COL21A1: variants seen among roughly 807,000 people sequenced by gnomAD.
The protein encoded by COL21A1 is collagen type XXI alpha 1 chain, also known as collagen alpha-1(XXI) chain.
COL21A1 carries 149 observed loss-of-function variants against 137.9 expected under a neutral mutation model. The observed-to-expected ratio is 1.08, with a 90% CI of 0.95 to 1.24. The LOEUF is 1.24. Ranked by LOEUF, COL21A1 falls within the 50% of genes most tolerant of loss-of-function variation. COL21A1 has a pLI of 0.00. For missense variants in COL21A1, 1,167 were observed against 1,158.4 expected (o/e 1.01, Z -0.11); for synonymous variants, 456 against 391.5 (o/e 1.16, Z -1.95).
chr6:56,178,003 TAA>T (rs955565251), intron 3 of COL21A1, among the ~76,000 whole-genome samples: 13 of 152,140 alleles, frequency 8.5e-5, no homozygotes, highest in African/African-American at 3.1e-4. Flanking sequence ...ACATTTTAAC[TAA>T]AAGAGTGTTT....
At chr6:56,200,144 A>G (rs1157236754) in intron 1 of COL21A1, among the ~76,000 whole-genome samples, 1 of 152,168 alleles carries the variant, frequency 6.6e-6, no homozygotes, top group Non-Finnish European at 1.5e-5. Context: ...TCCCAGGAAC[A>G]GAAAGGTCAG....
chr6:56,112,252 AT>A (rs1771497710), intron 16 of COL21A1, among the ~76,000 whole-genome samples: 1 of 152,164 alleles, frequency 6.6e-6, no homozygotes, highest in African/African-American at 2.4e-5. Flanking sequence ...ATGAGACCTG[AT>A]TTTTATCTCA....
intron 1 of COL21A1, among the ~76,000 whole-genome samples, chr6:56,360,954 G>A (rs6459156): frequency 0.13 from 19,086 of 152,110 alleles, 1,563 homozygotes; most frequent in African/African-American, 0.23. Flanking sequence ...ACGAAAATAA[G>A]CCAGGTTGTG....
intron 9 of COL21A1, among the ~76,000 whole-genome samples, chr6:56,158,208 A>G (rs150701437): frequency 1.3e-5 from 2 of 148,844 alleles, no homozygotes; most frequent in African/African-American, 5.0e-5. Context: ...GTGTTCCTAT[A>G]TAGATGCACA....
intron 10 of COL21A1, among the ~76,000 whole-genome samples, chr6:56,147,562 AT>A (rs1774932709): frequency 6.6e-6 from 1 of 152,100 alleles, no homozygotes; most frequent in Non-Finnish European, 1.5e-5. Flanking sequence ...CTACATTCAC[AT>A]GCACAAACTT....
intron 1 of COL21A1, among the ~76,000 whole-genome samples, chr6:56,312,639 T>G (rs1450576519): frequency 6.6e-6 from 1 of 152,082 alleles, no homozygotes; most frequent in Non-Finnish European, 1.5e-5. Flanking sequence ...ATACATGAAT[T>G]GAAGGCTAGA....
chr6:56,352,916 C>T (rs1765743633), intron 1 of COL21A1, among the ~76,000 whole-genome samples: 1 of 152,114 alleles, frequency 6.6e-6, no homozygotes, highest in African/African-American at 2.4e-5. Flanking sequence ...TGGCGCAAGT[C>T]TGTAGTCCCT....
upstream of COL21A1, among the ~76,000 whole-genome samples, chr6:56,250,648 G>C (rs1782834253): frequency 6.6e-6 from 1 of 152,102 alleles, no homozygotes; most frequent in Admixed American, 6.6e-5. Context: ...AGACAATCCA[G>C]CATCACCATA....
chr6:56,130,346 T>A (rs1773459543), intron 12 of COL21A1, among the ~76,000 whole-genome samples: 1 of 151,372 alleles, frequency 6.6e-6, no homozygotes, highest in African/African-American at 2.4e-5. Flanking sequence ...GAAAGAGGAC[T>A]GGAGTTAAGA....
intron 10 of COL21A1, among the ~76,000 whole-genome samples, chr6:56,143,777 G>A (rs1774619995): frequency 6.6e-6 from 1 of 152,108 alleles, no homozygotes; most frequent in Non-Finnish European, 1.5e-5. Flanking sequence ...GCCCCCTTGA[G>A]ATCAAAGACC....
At chr6:56,223,603 A>C (rs990624480) in intron 1 of COL21A1, among the ~76,000 whole-genome samples, 4 of 152,124 alleles carry the variant, frequency 2.6e-5, no homozygotes, top group African/African-American at 9.7e-5. Flanking sequence ...TGATAATTAC[A>C]GCTATTACAT....
chr6:56,304,982 C>T (rs953181095), intron 1 of COL21A1, among the ~76,000 whole-genome samples: 1 of 152,128 alleles, frequency 6.6e-6, no homozygotes, highest in East Asian at 1.9e-4. Flanking sequence ...GCCTTCATTT[C>T]GTTATGTACC....
At chr6:56,251,122 T>C (rs1782842423), upstream of COL21A1, among the ~76,000 whole-genome samples, 1 of 152,308 alleles carries the variant, frequency 6.6e-6, no homozygotes, top group Middle Eastern at 3.4e-3. Flanking sequence ...AGATAGAAGA[T>C]GCTGTTACAT....
rs535473984 is a variant in COL21A1 at position 56,125,799 on chromosome 6, T to A, written c.1597-179A>T. Among the ~76,000 whole-genome samples the A allele has an allele frequency of 5.3e-5, 8 of 152,086 alleles. No individual in the cohort carries two copies. The East Asian group carries it at 1.5e-3, about 29-fold the overall frequency. ...TTTCCAGGCTTTATAAAGAAAAATT[T>A]AAAAAATAACATTTAGTGCTATAAC... On this transcript the variant is annotated intron_variant, in intron 13 of 29. Coordinates refer to ENST00000244728, the MANE Select transcript of COL21A1 (RefSeq NM_030820.4).
chr6:56,095,962 A>G (rs1267972659), intron 17 of COL21A1, among the ~76,000 whole-genome samples: 1 of 151,934 alleles, frequency 6.6e-6, no homozygotes, highest in Non-Finnish European at 1.5e-5. Flanking sequence ...TTCTCCTGCC[A>G]CAGCCTCCCG....
rs749710130 is a variant in COL21A1 at position 56,070,778 on chromosome 6, T to A, written c.1986A>T (p.Gly662=). The A allele has an allele frequency of 4.7e-5, 75 of 1,592,160 alleles. No individual in the cohort carries two copies. The highest frequency in any genetic ancestry group is 6.2e-5 in the Non-Finnish European group (73 of 1,173,162). ...PGSKGSKGEP[G]IQGMPGASGL... ...CAGAAGCCCCAGGCATCCCTTGAAT[T>A]CCAGGTTCACCTTTGCTTCCCTGTC... The change falls in exon 21 of 30, where the codon GGA becomes GGT. Residue 662 remains glycine (G), a synonymous_variant. Coordinates refer to ENST00000244728, the MANE Select transcript of COL21A1 (RefSeq NM_030820.4).
chr6:56,175,936 T>G (rs1006407469), intron 3 of COL21A1, among the ~76,000 whole-genome samples: 1 of 151,868 alleles, frequency 6.6e-6, no homozygotes, highest in African/African-American at 2.4e-5. Flanking sequence ...AACAAACATA[T>G]AGACAAATGG....
intron 17 of COL21A1, among the ~76,000 whole-genome samples, chr6:56,099,913 C>T (rs763774977): frequency 3.9e-5 from 6 of 152,128 alleles, no homozygotes; most frequent in African/African-American, 7.2e-5. Context: ...TAACTAGCAC[C>T]CTGTTTCCAG....
At chr6:56,140,863 A>G (rs1231360012) in intron 12 of COL21A1, among the ~76,000 whole-genome samples, 1 of 152,160 alleles carries the variant, frequency 6.6e-6, no homozygotes, top group Non-Finnish European at 1.5e-5. Context: ...ATAAATATAC[A>G]TCTTATTTAT....
Sources: allele counts gnomAD v4.1 joint callset (sites outside exome capture counted in the v4.1 genomes callset), GRCh38; gene constraint gnomAD v4.1.1; transcripts MANE v1.5; gene names NCBI Gene and HGNC (gene_info 2026-07-23, HGNC 2026-07-21).